Variants in KANSL3 observed in about 807,000 individuals in gnomAD.
The protein encoded by KANSL3 is NSL complex protein NSL3.
In KANSL3, 16 loss-of-function variants were observed where a neutral mutation model predicts 89.2. The observed-to-expected ratio is 0.18, with a 90% CI of 0.12 to 0.27. The LOEUF is 0.27. KANSL3 is among the 10% of genes least tolerant of loss of function. KANSL3 has a pLI of 1.00. For synonymous variants in KANSL3, 385 were observed against 419.7 expected, an observed-to-expected ratio of 0.92 and a Z score of 1.01; for missense variants, 879 against 1,110.6, an observed-to-expected ratio of 0.79 and a Z score of 2.96.
intron 14 of KANSL3, among the ~76,000 whole-genome samples, chr2:96,608,016 C>T (rs534734777): frequency 2.0e-5 from 3 of 152,294 alleles, no homozygotes; most frequent in African/African-American, 7.2e-5. Flanking sequence ...CTCTTACTTT[C>T]GACTATAGGA....
chr2:96,588,304 T>A (rs1188284714), downstream of KANSL3, among the ~76,000 whole-genome samples: 1 of 152,140 alleles, frequency 6.6e-6, no homozygotes, highest in Admixed American at 6.5e-5. Context: ...ACACTGAATA[T>A]CTCATCAGAA....
At chr2:96,614,805 A>G (rs2069677497) in intron 5 of KANSL3, among the ~76,000 whole-genome samples, 1 of 151,412 alleles carries the variant, frequency 6.6e-6, no homozygotes, top group Non-Finnish European at 1.5e-5. Context: ...AAGAAAGAAA[A>G]AAAGAAAAAA....
chr2:96,618,941 G>A (rs2070734558), intron 5 of KANSL3, among the ~76,000 whole-genome samples: 1 of 152,238 alleles, frequency 6.6e-6, no homozygotes, highest in African/African-American at 2.4e-5. Flanking sequence ...ATGCCCTGGG[G>A]AGCAGAATTG....
chr2:96,611,007 T>G (rs1573414231), intron 10 of KANSL3, 57 bp downstream of exon 10: 1 of 1,584,630 alleles, frequency 6.3e-7, no homozygotes, highest in Non-Finnish European at 8.7e-7. Flanking sequence ...GGACAAGGCA[T>G]GCACACTCGC....
rs148145797 is a variant in KANSL3 at position 96,605,539 on chromosome 2, T to C, written c.1742-28A>G. The stretch of plus-strand genomic sequence containing the variant: ...AAGACATGGAGCTGAGTTGAGATCC[T>C]CCACAATCCAAAAAATCCCAACAGA... On this transcript the variant is annotated intron_variant, in intron 14 of 20. Coordinates refer to ENST00000431828, the MANE Select transcript of KANSL3 (RefSeq NM_001115016.3). The C allele has an allele frequency of 2.0e-4, 318 of 1,585,566 alleles. No individual in the cohort carries two copies. The African/African-American group carries it at 3.7e-3, about 18-fold the overall frequency.
intron 7 of KANSL3, 26 bp from the exon 8 acceptor site, chr2:96,612,589 C>A (rs1221217464): frequency 2.6e-6 from 4 of 1,561,540 alleles, no homozygotes; most frequent in South Asian, 2.2e-5. Flanking sequence ...AGCCCCCACA[C>A]CAGCAGAGGT....
rs1288465331 is a variant in KANSL3, at chr2:96,601,752, G to T, written c.2507C>A (p.Thr836Asn). ...ASGLKVPTTI[T>N]LTLRGQPSRI... ...GCTCGGCTGGCCACGAAGTGTCAGA[G>T]TAATGGTGGTGGGGACCTTCAAGCC... Residue 836 changes from threonine to asparagine, a missense_variant, in exon 20 of 21, where the codon ACT becomes AAT. By Grantham distance (65) the Thr-to-Asn change is moderately conservative (BLOSUM62 0). Transcript: ENST00000431828. 3 of 1,583,708 alleles carry T rather than the reference G, an allele frequency of 1.9e-6. No individual in the cohort carries two copies. Among genetic ancestry groups the T allele is most frequent in the South Asian group, 2.3e-5 (2 of 86,836 alleles).
In KANSL3 at chr2:96,612,916, G is replaced by A; in HGVS notation, c.814C>T (p.Pro272Ser). 1.9e-6 allele frequency: 3 copies of A among 1,561,840 alleles called. No individual in the cohort carries two copies. The highest frequency in any genetic ancestry group is 1.7e-6 in the Non-Finnish European group (2 of 1,152,852). Residue 272 changes from proline (P) to serine (S), a missense_variant, in exon 7 of 21, where the codon CCG becomes TCG. Physicochemically the swap from Pro to Ser is moderately conservative, Grantham distance 74. Transcript: ENST00000431828. ...HNKPSKLPGS[P>S]LILIASSGPS... is the part of the protein sequence containing the mutation. ...CCAGAGGAGGCGATGAGAATCAGCG[G>A]AGAGCCAGGGAGTTTGCTCTAAAGA...
At chr2:96,630,826 C>CCAT (rs2073257496) in intron 3 of KANSL3, among the ~76,000 whole-genome samples, 1 of 152,222 alleles carries the variant, frequency 6.6e-6, no homozygotes, top group Non-Finnish European at 1.5e-5. Flanking sequence ...AAATAGGCTT[C>CCAT]AGTGTGCCCT....
intron 4 of KANSL3, 60 bp downstream of exon 4, chr2:96,619,612 G>A: frequency 1.2e-6 from 2 of 1,603,560 alleles, no homozygotes. Context: ...GGACAAGTCA[G>A]TCAGCCAGTG....
At position 96,601,783 on chromosome 2, in the gene KANSL3, T is replaced by C; in HGVS notation, c.2483-7A>G. 6.5e-7 allele frequency: 1 copy of C among 1,549,096 alleles called. No homozygotes were observed. The highest frequency in any genetic ancestry group is 8.7e-7 in the Non-Finnish European group (1 of 1,149,836). ...GTGGTGGGGACCTTCAAGCCTGAGATAAAGAGAGAGAAGCAGAATTTTTGA... is the reference window on the plus strand; with the variant it reads ...GTGGTGGGGACCTTCAAGCCTGAGACAAAGAGAGAGAAGCAGAATTTTTGA... On this transcript the variant is annotated splice_polypyrimidine_tract_variant and splice_region_variant and intron_variant, in intron 19 of 20. Transcript: ENST00000431828.
intron 2 of KANSL3, among the ~76,000 whole-genome samples, chr2:96,634,339 T>C (rs987433383): frequency 8.5e-5 from 13 of 152,066 alleles, no homozygotes; most frequent in African/African-American, 2.9e-4. Flanking sequence ...CTGACCAACA[T>C]GGTGAAACTC....
rs370429508 is a variant in KANSL3, at chr2:96,631,299, A to G, written c.386+13T>C. 4.4e-6 allele frequency: 7 copies of G among 1,585,812 alleles called. No individual in the cohort carries two copies. In the African/African-American group the frequency reaches 9.4e-5, roughly 21 times the overall value. On this transcript the variant is annotated intron_variant, in intron 3 of 20. Coordinates refer to ENST00000431828, the MANE Select transcript of KANSL3 (RefSeq NM_001115016.3). ...TTACAGGGCAGTGATCATCCTCCTG[A>G]TGAGCAGCCTACCTGTTGACATGCT...
At chr2:96,588,048 T>C in the KANSL3 span, among the ~76,000 whole-genome samples, 1 of 152,014 alleles carries the variant, frequency 6.6e-6, no homozygotes, top group East Asian at 1.9e-4. Flanking sequence ...GTCATGCCAC[T>C]GGGGGCATGA....
intron 3 of KANSL3, among the ~76,000 whole-genome samples, chr2:96,629,889 T>G (rs1489219923): frequency 6.6e-6 from 1 of 152,182 alleles, no homozygotes; most frequent in African/African-American, 2.4e-5. Flanking sequence ...AAGTAACATT[T>G]CCTTATATAT....
chr2:96,581,644 T>C, the KANSL3 span, among the ~76,000 whole-genome samples: 8 of 152,220 alleles, frequency 5.3e-5, no homozygotes, highest in Admixed American at 5.2e-4. Flanking sequence ...CTATATTTTC[T>C]TTGAGGCTTT....
chr2:96,628,034 CTGTGGCAA>C (rs1215051785), intron 3 of KANSL3: 3 of 1,290,266 alleles, frequency 2.3e-6, no homozygotes, highest in African/African-American at 3.0e-5. Flanking sequence ...TTACATCAAT[CTGTGGCAA>C]TGTGGCAATG....
At chr2:96,606,525 G>T (rs1162555303) in intron 14 of KANSL3, 1 of 161,042 alleles carries the variant, frequency 6.2e-6, no homozygotes, top group East Asian at 1.9e-4. Context: ...TTGCTTAGGG[G>T]ACAAATGCAC....
At chr2:96,591,695 G>A (rs2066277462), downstream of KANSL3, among the ~76,000 whole-genome samples, 1 of 152,132 alleles carries the variant, frequency 6.6e-6, no homozygotes, top group South Asian at 2.1e-4. Flanking sequence ...GAGATAAGGA[G>A]AACCAACCCA....
Sources: gnomAD v4.1 joint callset for allele counts (sites outside exome capture counted in the v4.1 genomes callset) on GRCh38, gnomAD v4.1.1 for gene constraint, MANE v1.5 for transcripts, NCBI Gene and HGNC (gene_info 2026-07-23, HGNC 2026-07-21) for gene names.